The following TVP23B variants were observed in gnomAD, a reference collection of about 807,000 sequenced individuals.
The protein encoded by TVP23B is Golgi apparatus membrane protein TVP23 homolog B.
A neutral mutation model predicts 30.6 loss-of-function variants in TVP23B; 10 were observed. The ratio of observed to expected loss-of-function variants is 0.33; its 90% CI spans 0.20 to 0.55. The LOEUF is 0.55. TVP23B is among the 20% of genes least tolerant of loss of function. The probability of loss-of-function intolerance (pLI) is 0.91; values close to 1 mark genes in which losing one functional copy is unlikely to be tolerated. For missense variants in TVP23B, 153 were observed against 243.2 expected (o/e 0.63, Z 2.47); for synonymous variants, 67 against 83.1 (o/e 0.81, Z 1.06).
At chr17:18,782,064 G>A in intron 1 of TVP23B, 1 of 152,118 alleles carries the variant, frequency 6.6e-6, no homozygotes, top group Non-Finnish European at 1.5e-5. Flanking sequence ...TGCAAAGGCA[G>A]GGTGATGAAA....
At chr17:18,795,016 CTTTTTTTTTTT>C (rs781620472) in intron 3 of TVP23B, among the ~76,000 whole-genome samples, 4 of 46,254 alleles carry the variant, frequency 8.6e-5, no homozygotes, top group East Asian at 8.7e-4. Flanking sequence ...CATCTCAAAT[CTTTTTTTTTTT>C]TTTTTTTTTT....
At chr17:18,792,614 G>A (rs1418500296) in intron 3 of TVP23B, among the ~76,000 whole-genome samples, 2 of 151,992 alleles carry the variant, frequency 1.3e-5, no homozygotes, top group African/African-American at 2.4e-5. Flanking sequence ...AGTTCTTCCT[G>A]GTAATTTCCA....
intron 1 of TVP23B, among the ~76,000 whole-genome samples, chr17:18,787,571 T>C (rs1002469931): frequency 6.6e-6 from 1 of 152,120 alleles, no homozygotes; most frequent in African/African-American, 2.4e-5. Context: ...TTCAGCTATT[T>C]CAGTATTTGA....
chr17:18,784,863 C>G (rs2035875174), intron 1 of TVP23B, among the ~76,000 whole-genome samples: 2 of 152,270 alleles, frequency 1.3e-5, no homozygotes, highest in Admixed American at 1.3e-4. Context: ...TATTGGAATG[C>G]TAGGAGTCTG....
At chr17:18,792,353 G>C (rs540316493) in intron 3 of TVP23B, among the ~76,000 whole-genome samples, 2 of 152,298 alleles carry the variant, frequency 1.3e-5, no homozygotes, top group African/African-American at 4.8e-5. Context: ...AATTCTTAAA[G>C]ATACCTGAAG....
rs761609801 is a variant in TVP23B at position 18,781,290 on chromosome 17, C to T, written c.-4C>T. ...CCCGGAAGTAGGGCTGGCGTAGGGC[C>T]GCCATGTTGCAGCAGGTGAGGGGCT... On this transcript the variant is annotated 5_prime_UTR_variant, in exon 1 of 7. Transcript: ENST00000307767. 12 of 1,575,488 alleles carry T rather than the reference C, an allele frequency of 7.6e-6. No homozygotes were observed. The East Asian group carries it at 1.9e-4, about 24-fold the overall frequency.
chr17:18,801,239 T>C (rs905025192), intron 5 of TVP23B, among the ~76,000 whole-genome samples: 1 of 151,016 alleles, frequency 6.6e-6, no homozygotes, highest in African/African-American at 2.4e-5. Context: ...GTCCGAGGAA[T>C]GCTTTTATTT....
chr17:18,801,296 T>A (rs1244877323), intron 5 of TVP23B, among the ~76,000 whole-genome samples: 6 of 152,152 alleles, frequency 3.9e-5, no homozygotes, highest in African/African-American at 1.4e-4. Context: ...CTATCTTCTG[T>A]ATACTATGCT....
chr17:18,794,055 AATT>A (rs1471523113), intron 3 of TVP23B, among the ~76,000 whole-genome samples: 2 of 151,962 alleles, frequency 1.3e-5, no homozygotes, highest in Non-Finnish European at 2.9e-5. Context: ...CACAGAGTAA[AATT>A]ATATCAAACT....
intron 1 of TVP23B, among the ~76,000 whole-genome samples, chr17:18,783,292 G>A (rs895622245): frequency 6.6e-6 from 1 of 152,064 alleles, no homozygotes; most frequent in Non-Finnish European, 1.5e-5. Flanking sequence ...TTTTAGTAGA[G>A]ATGGGGTTTC....
intron 5 of TVP23B, among the ~76,000 whole-genome samples, chr17:18,799,508 G>A (rs1304169924): frequency 1.3e-5 from 2 of 152,148 alleles, no homozygotes; most frequent in Admixed American, 1.3e-4. Context: ...GTTCTAGCTC[G>A]CAAGCTTTTA....
chr17:18,781,710 G>A (rs2035810697), intron 1 of TVP23B: 2 of 252,568 alleles, frequency 7.9e-6, no homozygotes, highest in Non-Finnish European at 1.5e-5. Flanking sequence ...TCAAATTGCT[G>A]TTTCCAAACT....
intron 5 of TVP23B, among the ~76,000 whole-genome samples, chr17:18,803,056 A>G (rs1478631936): frequency 6.6e-6 from 1 of 152,198 alleles, no homozygotes; most frequent in Non-Finnish European, 1.5e-5. Flanking sequence ...ATTTAAATCT[A>G]TTAATTAAAC....
chr17:18,786,862 G>C (rs539065149), intron 1 of TVP23B, among the ~76,000 whole-genome samples: 1 of 148,252 alleles, frequency 6.7e-6, no homozygotes, highest in Non-Finnish European at 1.5e-5. Context: ...CCTAGTCTAG[G>C]GAGGCCTACG....
intron 1 of TVP23B, among the ~76,000 whole-genome samples, chr17:18,788,622 A>G (rs2035946188): frequency 6.6e-6 from 1 of 150,770 alleles, no homozygotes; most frequent in South Asian, 2.1e-4. Context: ...TCTCAACTAA[A>G]AATACGAAAA....
At chr17:18,794,094 T>C (rs1287021041) in intron 3 of TVP23B, among the ~76,000 whole-genome samples, 1 of 151,980 alleles carries the variant, frequency 6.6e-6, no homozygotes, top group Admixed American at 6.5e-5. Context: ...ATTGGAAATA[T>C]TAGAAAATAG....
intron 6 of TVP23B, among the ~76,000 whole-genome samples, chr17:18,805,103 T>C (rs545914810): frequency 1.4e-3 from 194 of 138,726 alleles, no homozygotes; most frequent in African/African-American, 4.5e-3. Flanking sequence ...TTTTTTTTTT[T>C]CTTGAGACGG....
At chr17:18,790,001 A>G (rs2035966755) in intron 2 of TVP23B, among the ~76,000 whole-genome samples, 1 of 152,222 alleles carries the variant, frequency 6.6e-6, no homozygotes, top group Non-Finnish European at 1.5e-5. Flanking sequence ...TTGAAGGTAA[A>G]TGGGGAATGA....
intron 1 of TVP23B, among the ~76,000 whole-genome samples, chr17:18,787,025 T>C (rs1175522651): frequency 6.7e-6 from 1 of 149,038 alleles, no homozygotes; most frequent in Non-Finnish European, 1.5e-5. Flanking sequence ...CTCCTTTGCT[T>C]ATTTACTCAT....
Sources: gnomAD v4.1 joint callset for allele counts (sites outside exome capture counted in the v4.1 genomes callset) on GRCh38, gnomAD v4.1.1 for gene constraint, MANE v1.5 for transcripts, NCBI Gene and HGNC (gene_info 2026-07-23, HGNC 2026-07-21) for gene names.